ADAMTS19: variants seen among roughly 807,000 people sequenced by gnomAD.
ADAMTS19 encodes A disintegrin and metalloproteinase with thrombospondin motifs 19.
Under a neutral mutation model 153.3 loss-of-function variants are expected in ADAMTS19, and 93 were observed. The observed-to-expected ratio is 0.61, with a 90% CI of 0.51 to 0.72. The LOEUF is 0.72. Among genes scored for constraint, ADAMTS19 ranks in the 30% least tolerant of loss-of-function variants. The pLI is 0.00. For missense variants in ADAMTS19, 1,482 were observed against 1,552.1 expected, an observed-to-expected ratio of 0.95 and a Z score of 0.76; for synonymous variants, 600 against 556.6, an observed-to-expected ratio of 1.08 and a Z score of -1.10.
At chr5:129,547,267 A>G (rs978066664) in intron 6 of ADAMTS19, among the ~76,000 whole-genome samples, 1 of 150,460 alleles carries the variant, frequency 6.6e-6, no homozygotes, top group East Asian at 1.9e-4. Context: ...AAACCTGGGT[A>G]GCCTCTGGAA....
At position 129,550,047 on chromosome 5, in the gene ADAMTS19, T is replaced by C. The variant is rs551427466; in HGVS notation, c.1329-1817T>C. ...GTATATCTAGATATACATATACATG[T>C]ATCTGTATATGTATGTATCTAGATA... is the stretch of plus-strand genomic sequence containing the variant. On this transcript the variant is annotated intron_variant, in intron 6 of 22. Coordinates refer to ENST00000274487, the MANE Select transcript of ADAMTS19 (RefSeq NM_133638.6). 5.4e-3 allele frequency among the ~76,000 whole-genome samples: 359 copies of C among 66,664 alleles called. 15 individuals are homozygous for C. Among genetic ancestry groups the C allele is most frequent in the African/African-American group, 0.017 (335 of 19,156 alleles). The allele number at this position is 66,664 out of a possible 152,430, so 43.7% of individuals were successfully genotyped here.
chr5:129,569,205 T>C (rs2126859888), intron 7 of ADAMTS19, among the ~76,000 whole-genome samples: 1 of 152,222 alleles, frequency 6.6e-6, no homozygotes, highest in South Asian at 2.1e-4. Context: ...TCAGATGATG[T>C]AAATTTCAGA....
chr5:129,727,497 A>C (rs1351926829), intron 21 of ADAMTS19, among the ~76,000 whole-genome samples: 1 of 152,198 alleles, frequency 6.6e-6, no homozygotes, highest in Non-Finnish European at 1.5e-5. Flanking sequence ...AGTATGTGGA[A>C]AAGGGAAATA....
intron 7 of ADAMTS19, among the ~76,000 whole-genome samples, chr5:129,565,730 G>A (rs569533648): frequency 1.3e-5 from 2 of 151,866 alleles, no homozygotes; most frequent in Non-Finnish European, 2.9e-5. Context: ...TTCTATCATA[G>A]CTTACGAGAA....
At chr5:129,679,143 T>A (rs1054890473) in intron 16 of ADAMTS19, among the ~76,000 whole-genome samples, 1 of 152,230 alleles carries the variant, frequency 6.6e-6, no homozygotes, top group Non-Finnish European at 1.5e-5. Flanking sequence ...AAATCCTATA[T>A]AGATGATTGT....
intron 21 of ADAMTS19, among the ~76,000 whole-genome samples, chr5:129,730,703 TAA>T (rs1454882044): frequency 6.6e-6 from 1 of 152,138 alleles, no homozygotes; most frequent in African/African-American, 2.4e-5. Context: ...ATACTTTTAC[TAA>T]AAATGCAGAT....
chr5:129,605,100 C>G (rs1750828075), intron 8 of ADAMTS19, among the ~76,000 whole-genome samples: 1 of 152,224 alleles, frequency 6.6e-6, no homozygotes, highest in African/African-American at 2.4e-5. Context: ...CACTTCTCAT[C>G]TGGATTATTA....
intron 14 of ADAMTS19, among the ~76,000 whole-genome samples, chr5:129,656,108 T>C (rs1455849419): frequency 6.6e-6 from 1 of 152,186 alleles, no homozygotes; most frequent in African/African-American, 2.4e-5. Context: ...TGCTTTTTAC[T>C]TAACAGTATT....
rs553132951 is a variant in ADAMTS19, at chr5:129,613,851, G to T, written c.1479-6767G>T. Among the ~76,000 whole-genome samples the T allele has an allele frequency of 2.8e-4, 42 of 152,162 alleles. No individual in the cohort carries two copies. The South Asian group carries it at 4.6e-3, about 17-fold the overall frequency. ...AGACCCAATAAAAAATGATAAAGGGGATATCACCATCGATCCCACAGAAAT... is the reference window on the plus strand; with the variant it reads ...AGACCCAATAAAAAATGATAAAGGGTATATCACCATCGATCCCACAGAAAT... On this transcript the variant is annotated intron_variant, in intron 8 of 22. Transcript: ENST00000274487.
intron 13 of ADAMTS19, 77 bp from the exon 14 acceptor site, chr5:129,654,229 T>G: frequency 7.3e-7 from 1 of 1,377,064 alleles, no homozygotes; most frequent in Non-Finnish European, 9.8e-7. Flanking sequence ...CAATAACGAT[T>G]CTTAAAAATG....
chr5:129,479,215 T>C (rs943407245), intron 2 of ADAMTS19, among the ~76,000 whole-genome samples: 1 of 152,170 alleles, frequency 6.6e-6, no homozygotes, highest in East Asian at 1.9e-4. Context: ...CAGAGATATA[T>C]AACACATTCA....
intron 13 of ADAMTS19, among the ~76,000 whole-genome samples, chr5:129,651,741 C>A (rs1753325846): frequency 6.6e-6 from 1 of 152,144 alleles, no homozygotes; most frequent in Admixed American, 6.6e-5. Flanking sequence ...TGTAATAGCA[C>A]ATTTTATTGT....
chr5:129,717,958 G>C (rs886670031), intron 21 of ADAMTS19, among the ~76,000 whole-genome samples: 1 of 152,106 alleles, frequency 6.6e-6, no homozygotes, highest in Non-Finnish European at 1.5e-5. Context: ...TTTAATGATT[G>C]TCATTCCAAA....
chr5:129,590,436 C>A (rs972827075), intron 7 of ADAMTS19, among the ~76,000 whole-genome samples: 1 of 152,174 alleles, frequency 6.6e-6, no homozygotes, highest in African/African-American at 2.4e-5. Flanking sequence ...AATATCCATA[C>A]AATATTCTAT....
At chr5:129,555,774 C>T (rs539272241) in intron 7 of ADAMTS19, among the ~76,000 whole-genome samples, 1 of 152,258 alleles carries the variant, frequency 6.6e-6, no homozygotes, top group Non-Finnish European at 1.5e-5. Context: ...TGTACTGTCA[C>T]CTTTCTTTTA....
At chr5:129,718,864 C>A (rs889941545) in intron 21 of ADAMTS19, among the ~76,000 whole-genome samples, 1 of 152,162 alleles carries the variant, frequency 6.6e-6, no homozygotes, top group African/African-American at 2.4e-5. Context: ...CTGCCAGTGA[C>A]AATTTTCCCT....
intron 8 of ADAMTS19, among the ~76,000 whole-genome samples, chr5:129,603,096 T>C (rs1202549624): frequency 1.3e-5 from 2 of 152,060 alleles, no homozygotes; most frequent in African/African-American, 2.4e-5. Flanking sequence ...TGTAGCTGAT[T>C]TACATTCCGG....
chr5:129,578,079 C>CACACACACACACAT (rs1442337062), intron 7 of ADAMTS19, among the ~76,000 whole-genome samples: 21 of 88,420 alleles, frequency 2.4e-4, no homozygotes, highest in Non-Finnish European at 2.6e-4. Flanking sequence ...CACACACACA[C>CACACACACACACAT]ATATATACAT....
At chr5:129,610,011 C>T (rs893205677) in intron 8 of ADAMTS19, among the ~76,000 whole-genome samples, 1 of 151,866 alleles carries the variant, frequency 6.6e-6, no homozygotes, top group Non-Finnish European at 1.5e-5. Context: ...TTTAACAAGA[C>T]ATTCAACTAA....
Sources: allele counts gnomAD v4.1 joint callset (sites outside exome capture counted in the v4.1 genomes callset), GRCh38; gene constraint gnomAD v4.1.1; transcripts MANE v1.5; gene names NCBI Gene and HGNC (gene_info 2026-07-23, HGNC 2026-07-21).